Variants in RTKN2 observed in about 807,000 individuals in gnomAD.
The protein encoded by RTKN2 is rhotekin 2.
A neutral mutation model predicts 71.5 loss-of-function variants in RTKN2; 69 were observed. The observed-to-expected ratio is 0.96, with a 90% CI of 0.79 to 1.18. The LOEUF (loss-of-function observed/expected upper bound fraction) is 1.18, where lower values mean the gene tolerates loss of function less well. Among genes scored for constraint, RTKN2 ranks in the 50% most tolerant of loss-of-function variants. The pLI is 0.00. For missense variants in RTKN2, 724 were observed against 719.7 expected, an observed-to-expected ratio of 1.01 and a Z score of -0.07; for synonymous variants, 236 against 236.5, an observed-to-expected ratio of 1.00 and a Z score of 0.02.
intron 6 of RTKN2, among the ~76,000 whole-genome samples, chr10:62,230,461 G>C (rs1233653371): frequency 6.6e-6 from 1 of 152,146 alleles, no homozygotes; most frequent in Non-Finnish European, 1.5e-5. Context: ...ACAGGCATGA[G>C]CAACTGCACT....
At chr10:62,223,961 T>G (rs1264845393) in intron 6 of RTKN2, among the ~76,000 whole-genome samples, 1 of 64,376 alleles carries the variant, frequency 1.6e-5, no homozygotes, top group African/African-American at 5.6e-5. Context: ...GGGGTAGGTG[T>G]GTGTGTGTGT....
At chr10:62,201,774 A>G (rs1225980711) in intron 10 of RTKN2, among the ~76,000 whole-genome samples, 1 of 152,166 alleles carries the variant, frequency 6.6e-6, no homozygotes, top group Non-Finnish European at 1.5e-5. Context: ...ACGTGTTACT[A>G]AAGTCAGAGG....
intron 9 of RTKN2, among the ~76,000 whole-genome samples, chr10:62,207,935 G>A (rs1327226331): frequency 2.0e-5 from 3 of 152,022 alleles, no homozygotes; most frequent in Non-Finnish European, 2.9e-5. Context: ...CAATTACCTA[G>A]GAGGTTTTAT....
At chr10:62,205,229 T>A (rs1841526357) in intron 9 of RTKN2, among the ~76,000 whole-genome samples, 1 of 152,194 alleles carries the variant, frequency 6.6e-6, no homozygotes, top group Non-Finnish European at 1.5e-5. Flanking sequence ...TTATATAAAA[T>A]ACTGAATAAT....
chr10:62,233,906 C>T (rs546242715), intron 6 of RTKN2, among the ~76,000 whole-genome samples: 1 of 152,068 alleles, frequency 6.6e-6, no homozygotes, highest in Non-Finnish European at 1.5e-5. Context: ...GCCAACTCGA[C>T]GAAACATGCA....
rs577505622 is a variant in RTKN2 at position 62,216,553 on chromosome 10, C to T, written c.1020+565G>A. ...AGATGAAAAAATTGTAGCTAGATTTCAATAGTCTCCTTTGTAACAAACCAG... is the reference window on the plus strand; with the variant it reads ...AGATGAAAAAATTGTAGCTAGATTTTAATAGTCTCCTTTGTAACAAACCAG... On this transcript the variant is annotated intron_variant, in intron 9 of 11. Transcript: ENST00000373789. Among the ~76,000 whole-genome samples, 11 of 152,086 alleles carry T rather than the reference C, an allele frequency of 7.2e-5. No homozygotes were observed. In the South Asian group the frequency reaches 1.5e-3, roughly 20 times the overall value.
intron 9 of RTKN2, among the ~76,000 whole-genome samples, chr10:62,211,695 C>T (rs1564504800): frequency 3.9e-5 from 6 of 152,268 alleles, no homozygotes; most frequent in Middle Eastern, 3.4e-3. Flanking sequence ...GAGTCTCACT[C>T]TGTCACCCAG....
downstream of RTKN2, among the ~76,000 whole-genome samples, chr10:62,190,268 G>A (rs959058284): frequency 8.5e-5 from 13 of 152,230 alleles, no homozygotes; most frequent in African/African-American, 2.9e-4. Context: ...GCTATTTCAC[G>A]TTTATCAGAG....
intron 6 of RTKN2, among the ~76,000 whole-genome samples, chr10:62,226,924 G>A (rs781250144): frequency 2.6e-5 from 4 of 152,160 alleles, no homozygotes; most frequent in Non-Finnish European, 4.4e-5. Flanking sequence ...TCGTGCCACT[G>A]CACTCCAGCC....
At chr10:62,210,665 A>G (rs1033510603) in intron 9 of RTKN2, among the ~76,000 whole-genome samples, 15 of 152,280 alleles carry the variant, frequency 9.9e-5, no homozygotes, top group African/African-American at 3.6e-4. Context: ...TAATGACAAA[A>G]AAGGATATCT....
rs376898621 is a variant in RTKN2 at position 62,236,161 on chromosome 10, G to C, written c.591C>G (p.Leu197=). The change falls in exon 6 of 12, where the codon CTC becomes CTG. Residue 197 remains leucine, a synonymous_variant. Transcript: ENST00000373789. ...TNTPKKLAKK[L]KTSISKATGK... is the part of the protein sequence containing the mutation. ...CTGTAGCTTTACTTATAGATGTCTT[G>C]AGTTTCTTAGCTAGCTTTTTTGGTG... 1 of 1,611,412 alleles carries C rather than the reference G, an allele frequency of 6.2e-7. No individual in the cohort carries two copies. Among genetic ancestry groups the C allele is most frequent in the Non-Finnish European group, 8.5e-7 (1 of 1,177,966 alleles).
intron 6 of RTKN2, among the ~76,000 whole-genome samples, chr10:62,233,647 A>G (rs553749818): frequency 1.6e-4 from 25 of 152,312 alleles, no homozygotes; most frequent in African/African-American, 5.1e-4. Flanking sequence ...GTTAAGAATT[A>G]CTTCATAAAA....
intron 10 of RTKN2, among the ~76,000 whole-genome samples, chr10:62,200,349 A>T (rs1841415759): frequency 7.7e-6 from 1 of 129,730 alleles, no homozygotes. Context: ...GGCAACAGAG[A>T]GAGACTCCGT....
In RTKN2 at chr10:62,198,276, AC is replaced by A; in HGVS notation, c.1461del (p.Tyr488IlefsTer29). 5 of 1,613,978 alleles carry A rather than the reference AC, an allele frequency of 3.1e-6. No homozygotes were observed. The highest frequency in any genetic ancestry group is 4.2e-6 in the Non-Finnish European group (5 of 1,179,910). The part of the protein sequence containing the change: ...NHQMVIQKKV[L>X]YPASEPLHDE... Reference sequence around the variant, plus strand: ...TCATGTAATGGCTCACTTGCAGGATACAGTACCTTTTTCTGGATGACCATTT... The same window carrying A: ...TCATGTAATGGCTCACTTGCAGGATAAGTACCTTTTTCTGGATGACCATTT... On this transcript the variant is annotated frameshift_variant, in exon 12 of 12. Transcript: ENST00000373789. LOFTEE classifies it high-confidence loss of function.
chr10:62,184,082 T>C, exon 9 of RTKN2: 1 of 415,884 alleles, frequency 2.4e-6, no homozygotes, highest in East Asian at 3.9e-5. Context: ...ACTGTCCAAA[T>C]AGCAGACACC....
In RTKN2 at chr10:62,194,191, C is replaced by A; in HGVS notation, c.*3717G>T. ...CAAGCATGTCAGAAAATCAACACACCCTAATATATTTTCAAATGATGACTT... is the reference window on the plus strand; with the variant it reads ...CAAGCATGTCAGAAAATCAACACACACTAATATATTTTCAAATGATGACTT... On this transcript the variant is annotated 3_prime_UTR_variant, in exon 12 of 12. Transcript: ENST00000373789. 1.0e-6 allele frequency: 1 copy of A among 983,122 alleles called. No individual in the cohort carries two copies. The highest frequency in any genetic ancestry group is 1.2e-6 in the Non-Finnish European group (1 of 828,056). The allele number at this position is 983,122 out of a possible 1,614,324, so 60.9% of individuals were successfully genotyped here.
intron 10 of RTKN2, 90 bp downstream of exon 10, chr10:62,204,767 C>A: frequency 9.7e-7 from 1 of 1,026,426 alleles, no homozygotes; most frequent in African/African-American, 1.7e-5. Context: ...ATTTTTGCTA[C>A]AAACTCTAAG....
At chr10:62,241,948 C>A (rs1383019806) in intron 3 of RTKN2, among the ~76,000 whole-genome samples, 3 of 151,962 alleles carry the variant, frequency 2.0e-5, no homozygotes, top group Non-Finnish European at 2.9e-5. Context: ...ATCCGCCTGC[C>A]TAGGCCTCCC....
chr10:62,223,625 T>C (rs945580257), intron 6 of RTKN2, among the ~76,000 whole-genome samples: 2 of 152,112 alleles, frequency 1.3e-5, no homozygotes, highest in Admixed American at 1.3e-4. Context: ...CACAATGAGA[T>C]ATCAGTTCAC....
Sources: allele counts gnomAD v4.1 joint callset (sites outside exome capture counted in the v4.1 genomes callset), GRCh38; gene constraint gnomAD v4.1.1; transcripts MANE v1.5; gene names NCBI Gene and HGNC (gene_info 2026-07-23, HGNC 2026-07-21).